RIPK4: variants seen among roughly 807,000 people sequenced by gnomAD.
RIPK4 encodes receptor interacting serine/threonine kinase 4.
In RIPK4, 17 loss-of-function variants were observed where a neutral mutation model predicts 42.9. That is an observed-to-expected ratio of 0.40 (90% CI 0.27 to 0.59). The LOEUF is 0.59. Ranked by LOEUF, RIPK4 falls within the 20% of genes least tolerant of loss-of-function variation. The pLI is 0.47. For synonymous variants in RIPK4, 498 were observed against 499.1 expected, an observed-to-expected ratio of 1.00 and a Z score of 0.03; for missense variants, 897 against 1,104.4, an observed-to-expected ratio of 0.81 and a Z score of 2.66.
rs777188665 is a variant in RIPK4, at chr21:41,741,399, G to A, written c.1794C>T (p.Asn598=). Residue 598 remains asparagine (N), a synonymous_variant, in exon 8 of 8, where the codon AAC becomes AAT. Transcript: ENST00000332512. ...GCGTCCTCCCATCCAGCGTCTGGGCGTTCACACTCACCCCCGGCTGCTTGG... is the reference window on the plus strand; with the variant it reads ...GCGTCCTCCCATCCAGCGTCTGGGCATTCACACTCACCCCCGGCTGCTTGG... ...LLAKQPGVSV[N]AQTLDGRTPL... 14 of 1,612,600 alleles carry A rather than the reference G, an allele frequency of 8.7e-6. No individual in the cohort carries two copies. The highest frequency in any genetic ancestry group is 4.5e-5 in the East Asian group (2 of 44,892).
chr21:41,746,466 T>A (rs8133138), intron 5 of RIPK4, 147 bp downstream of exon 5: 2 of 981,956 alleles, frequency 2.0e-6, no homozygotes, highest in Admixed American at 2.6e-5. Context: ...AGGTGCTGGG[T>A]CCAACCTATC....
chr21:41,760,544 C>G (rs894924976), intron 1 of RIPK4, among the ~76,000 whole-genome samples: 3 of 152,228 alleles, frequency 2.0e-5, no homozygotes, highest in African/African-American at 7.2e-5. Context: ...GGGAGGCCAG[C>G]AGAGCGGAGC....
chr21:41,758,041 T>TATATAGAGAG (rs1452050960), intron 1 of RIPK4, among the ~76,000 whole-genome samples: 58 of 58,462 alleles, frequency 9.9e-4, no homozygotes, highest in South Asian at 1.3e-3. Flanking sequence ...TATATATATA[T>TATATAGAGAG]AGAGAGAGAG....
In RIPK4 at chr21:41,743,986, G is replaced by A. The variant is rs577229617; in HGVS notation, c.1091C>T (p.Ser364Leu). 6 of 1,613,542 alleles carry A rather than the reference G, an allele frequency of 3.7e-6. No homozygotes were observed. The highest frequency in any genetic ancestry group is 3.3e-5 in the Admixed American group (2 of 60,024). Residue 364 changes from serine (S) to leucine (L), a missense_variant, in exon 7 of 8, where the codon TCG becomes TTG. By Grantham distance (145) the Ser-to-Leu change is moderately radical. Transcript: ENST00000332512. ...SRSSSESKLP[S>L]SGSGKRLSGV... ...CGAGAGCCTCTTCCCACTGCCGGACGATGGCAGCTTGGACTCAGAGGAGCT... is the reference window on the plus strand; with the variant it reads ...CGAGAGCCTCTTCCCACTGCCGGACAATGGCAGCTTGGACTCAGAGGAGCT...
chr21:41,753,723 T>G (rs1296293412), intron 2 of RIPK4, among the ~76,000 whole-genome samples: 1 of 152,192 alleles, frequency 6.6e-6, no homozygotes, highest in Non-Finnish European at 1.5e-5. Flanking sequence ...GCCCTTCAAC[T>G]TCAAGGTCCA....
intron 4 of RIPK4, 122 bp downstream of exon 4, chr21:41,749,032 A>G (rs778485752): frequency 5.0e-6 from 5 of 991,740 alleles, no homozygotes; most frequent in Non-Finnish European, 7.9e-6. Flanking sequence ...TACACCACAG[A>G]GCAGCACCTA....
At position 41,740,358 on chromosome 21, in the gene RIPK4, CTT is replaced by C. The variant is rs1177851357; in HGVS notation, c.*478_*479del. Reference sequence around the variant, plus strand: ...GCAACAGCTGATAAGGTATTCATCTCTTAAGATATTTTATAAAACAATTCCAT... The same window carrying C: ...GCAACAGCTGATAAGGTATTCATCTCAAGATATTTTATAAAACAATTCCAT... On this transcript the variant is annotated 3_prime_UTR_variant, in exon 8 of 8. Coordinates refer to ENST00000332512, the MANE Select transcript of RIPK4 (RefSeq NM_020639.3). 2 of 157,462 alleles carry C rather than the reference CTT, an allele frequency of 1.3e-5. No individual in the cohort carries two copies. The highest frequency in any genetic ancestry group is 4.8e-5 in the African/African-American group (2 of 41,650). The allele number at this position is 157,462 out of a possible 1,614,324, so 9.8% of individuals were successfully genotyped here.
In RIPK4 at chr21:41,755,212, C is replaced by G. The variant is rs773816246; in HGVS notation, c.474+1313G>C. 6.6e-6 allele frequency among the ~76,000 whole-genome samples: 1 copy of G among 152,138 alleles called. No homozygotes were observed. Among genetic ancestry groups the G allele is most frequent in the Non-Finnish European group, 1.5e-5 (1 of 68,022 alleles). On this transcript the variant is annotated intron_variant, in intron 2 of 7. Transcript: ENST00000332512. The surrounding 1 kb of genome is among the most constrained non-coding windows in gnomAD (Gnocchi z 4.2). ...AGATGCGGGAAACCACCAGAGAGCC[C>G]GTTCAAGCCAAGTCATTTGATTTTT...
chr21:41,746,657 T>G lies in RIPK4; in HGVS notation c.788A>C (p.Gln263Pro). ...RACSHLIRLM[Q>P]RCWQGDPRVR... ...TCGCGGATCCCCCTGCCAGCACCGC[T>G]GCATGAGGCGTATCAGGTGGCTGCA... Residue 263 changes from glutamine (Q) to proline (P), a missense_variant, in exon 5 of 8, where the codon CAG becomes CCG. Transcript: ENST00000332512. The G allele has an allele frequency of 6.2e-7, 1 of 1,611,226 alleles. No individual in the cohort carries two copies. The highest frequency in any genetic ancestry group is 8.5e-7 in the Non-Finnish European group (1 of 1,179,848).
At position 41,741,116 on chromosome 21, in the gene RIPK4, TCTC is replaced by T; in HGVS notation, c.2074_2076del (p.Glu692del). 1.2e-6 allele frequency: 2 copies of T among 1,612,502 alleles called. No homozygotes were observed. The highest frequency in any genetic ancestry group is 2.2e-5 in the South Asian group (2 of 91,038). The stretch of plus-strand genomic sequence containing the variant: ...GGTCCCCGGGCCAGCACATCGGCCT[TCTC>T]CTCGACAAGCAGCTTGACAGTGGCC... On this transcript the variant is annotated inframe_deletion, in exon 8 of 8. Transcript: ENST00000332512.
chr21:41,741,529 A>G lies in RIPK4; in HGVS notation c.1664T>C (p.Ile555Thr). Residue 555 changes from isoleucine to threonine, a missense_variant, in exon 8 of 8, where the codon ATC (isoleucine) becomes ACC (threonine). Coordinates refer to ENST00000332512, the MANE Select transcript of RIPK4 (RefSeq NM_020639.3). ...CACGTCCACGCCTCGGCGCAGCAGGATGCGCACGATATTCTCCTGCCCGTG... is the reference window on the plus strand; with the variant it reads ...CACGTCCACGCCTCGGCGCAGCAGGGTGCGCACGATATTCTCCTGCCCGTG... ...CQHGQENIVRILLRRGVDVSL... is the reference protein window; with the variant it reads ...CQHGQENIVRTLLRRGVDVSL... 1 of 1,612,416 alleles carries G rather than the reference A, an allele frequency of 6.2e-7. No homozygotes were observed. The highest frequency in any genetic ancestry group is 8.5e-7 in the Non-Finnish European group (1 of 1,179,986).
chr21:41,743,267 G>A (rs2061160149), intron 7 of RIPK4, among the ~76,000 whole-genome samples: 1 of 152,174 alleles, frequency 6.6e-6, no homozygotes, highest in South Asian at 2.1e-4. Flanking sequence ...ACAAGCACCA[G>A]GTCCAGCACC....
rs767632790 is a variant in RIPK4, at chr21:41,741,681, C to T, written c.1512G>A (p.Gln504=). The T allele has an allele frequency of 6.2e-7, 1 of 1,613,766 alleles. No individual in the cohort carries two copies. The highest frequency in any genetic ancestry group is 2.2e-5 in the East Asian group (1 of 44,880). ...GGGCTGCAAAGTGGAGGGCTGTCCA[C>T]TGGTCCTCATCCTTGGCGTTGACAC... ...KISVNAKDED[Q]WTALHFAAQN... is the part of the protein sequence containing the mutation. Residue 504 remains glutamine, a synonymous_variant, in exon 8 of 8, where the codon CAG becomes CAA. Coordinates refer to ENST00000332512, the MANE Select transcript of RIPK4 (RefSeq NM_020639.3).
intron 1 of RIPK4, among the ~76,000 whole-genome samples, chr21:41,757,613 T>C (rs905489617): frequency 3.3e-5 from 5 of 151,904 alleles, no homozygotes; most frequent in Non-Finnish European, 7.4e-5. Flanking sequence ...GGCCCAGTTA[T>C]TCCTGAATCC....
chr21:41,744,375 C>T lies in RIPK4; in HGVS notation c.937-235G>A, dbSNP rs918282276. On this transcript the variant is annotated intron_variant, in intron 6 of 7. Coordinates refer to ENST00000332512, the MANE Select transcript of RIPK4 (RefSeq NM_020639.3). ...ACAGCGCCGCGGAGCTCAGACCCCG[C>T]GCCCGCACAGTGCCGGGCAGCTCAG... Among the ~76,000 whole-genome samples, 30 of 150,956 alleles carry T rather than the reference C, an allele frequency of 2.0e-4. 1 individual carries two copies. Among genetic ancestry groups the T allele is most frequent in the East Asian group, 1.9e-4 (1 of 5,170 alleles).
In RIPK4 at chr21:41,751,202, G is replaced by A. The variant is rs1188645012; in HGVS notation, c.518C>T (p.Ser173Leu). The change falls in exon 3 of 8, where the codon TCG becomes TTG. Residue 173 changes from serine (S) to leucine (L), a missense_variant. Coordinates refer to ENST00000332512, the MANE Select transcript of RIPK4 (RefSeq NM_020639.3). This position sits in a 1 kb window ranked among gnomAD's most constrained non-coding sequence, Gnocchi z 4.5. ...CAGGCCATCCATGCTGAGGTCATGC[G>A]AGTGGGACAGCCCGTTGCACTTGGC... ...GLAKCNGLSH[S>L]HDLSMDGLFG... 3.7e-6 allele frequency: 6 copies of A among 1,614,148 alleles called. No individual in the cohort carries two copies. The highest frequency in any genetic ancestry group is 1.1e-5 in the South Asian group (1 of 91,090).
chr21:41,765,090 A>G (rs1601686627), intron 1 of RIPK4, among the ~76,000 whole-genome samples: 1 of 152,228 alleles, frequency 6.6e-6, no homozygotes, highest in Admixed American at 6.5e-5. Context: ...GCTAGAAATA[A>G]CAGAAGATCC....
rs1012558513 is a variant in RIPK4 at position 41,742,829 on chromosome 21, G to C, written c.1196-832C>G. ...GTCATTTCAGAGTATTAGACCCAAAGAGAATGTTCTAGAACGTACTTATCC... is the reference window on the plus strand; with the variant it reads ...GTCATTTCAGAGTATTAGACCCAAACAGAATGTTCTAGAACGTACTTATCC... On this transcript the variant is annotated intron_variant, in intron 7 of 7. Coordinates refer to ENST00000332512, the MANE Select transcript of RIPK4 (RefSeq NM_020639.3). The surrounding 1 kb of genome is among the most constrained non-coding windows in gnomAD (Gnocchi z 5.1). Among the ~76,000 whole-genome samples, 1 of 152,114 alleles carries C rather than the reference G, an allele frequency of 6.6e-6. No individual in the cohort carries two copies. The highest frequency in any genetic ancestry group is 1.5e-5 in the Non-Finnish European group (1 of 68,016).
chr21:41,761,248 C>T lies in RIPK4; in HGVS notation c.183-4432G>A, dbSNP rs866502098. ...ACCAAAGAAGGAAAATGACACCTCT[C>T]AGCTCCCAGCCTTTCTCCTCCTCTG... On this transcript the variant is annotated intron_variant, in intron 1 of 7. Coordinates refer to ENST00000332512, the MANE Select transcript of RIPK4 (RefSeq NM_020639.3). Among the ~76,000 whole-genome samples, 21 of 152,366 alleles carry T rather than the reference C, an allele frequency of 1.4e-4. No homozygotes were observed. In the South Asian group the frequency reaches 1.7e-3, roughly 12 times the overall value.
Sources: allele counts gnomAD v4.1 joint callset (sites outside exome capture counted in the v4.1 genomes callset), GRCh38; gene constraint gnomAD v4.1.1; non-coding constraint Gnocchi (gnomAD v3.1); transcripts MANE v1.5; gene names NCBI Gene and HGNC (gene_info 2026-07-23, HGNC 2026-07-21).